The following GRAMD1A variants were observed in gnomAD, a reference collection of about 807,000 sequenced individuals.
GRAMD1A encodes the protein GRAM domain containing 1A.
Under a neutral mutation model 92.0 loss-of-function variants are expected in GRAMD1A, and 50 were observed. That is an observed-to-expected ratio of 0.54 (90% CI 0.43 to 0.69). The LOEUF (loss-of-function observed/expected upper bound fraction) is 0.69, where lower values mean the gene tolerates loss of function less well. GRAMD1A is among the 30% of genes least tolerant of loss of function. The pLI is 0.00. For missense variants in GRAMD1A, 819 were observed against 978.9 expected (o/e 0.84, Z 2.18); for synonymous variants, 405 against 403.6 (o/e 1.00, Z -0.04).
chr19:34,998,060 G>C (rs868153705), upstream of GRAMD1A, among the ~76,000 whole-genome samples: 3 of 122,210 alleles, frequency 2.5e-5, no homozygotes, highest in South Asian at 5.3e-4. Flanking sequence ...GACAGAGCAA[G>C]ACCTTGTCTC....
chr19:34,995,933 G>A (rs1042909465), upstream of GRAMD1A: 1 of 1,130,162 alleles, frequency 8.8e-7, no homozygotes, highest in Non-Finnish European at 1.2e-6. Flanking sequence ...AGCCACGGGG[G>A]AAGGTGGTAA....
rs2016215221 is a variant in GRAMD1A, at chr19:35,023,387, G to T, written c.1962-40G>T. 4 of 1,613,300 alleles carry T rather than the reference G, an allele frequency of 2.5e-6. 1 individual carries two copies. The highest frequency in any genetic ancestry group is 2.2e-5 in the East Asian group (1 of 44,862). ...GAAATGGGGGGGCTTGGGCACATCG[G>T]GGGAGGCCAAGGCCCTGCTCAGGCC... On this transcript the variant is annotated intron_variant, in intron 18 of 19. Transcript: ENST00000317991.
At chr19:34,995,568 C>A (rs937904565), upstream of GRAMD1A, among the ~76,000 whole-genome samples, 1 of 72,364 alleles carries the variant, frequency 1.4e-5, no homozygotes. Flanking sequence ...TCTCAGATCA[C>A]GGGTTTTTTT....
At chr19:35,022,312 C>T (rs1242146640) in intron 16 of GRAMD1A, among the ~76,000 whole-genome samples, 1 of 152,114 alleles carries the variant, frequency 6.6e-6, no homozygotes, top group Admixed American at 6.6e-5. Context: ...GGAGCAGGCA[C>T]ACAAAGATTC....
upstream of GRAMD1A, among the ~76,000 whole-genome samples, chr19:34,995,350 C>A (rs1462263905): frequency 3.9e-5 from 6 of 152,204 alleles, no homozygotes; most frequent in African/African-American, 1.4e-4. Flanking sequence ...CGGTAAACCT[C>A]AGTTCCAGCT....
intron 10 of GRAMD1A, chr19:35,015,616 C>G: frequency 1.9e-6 from 1 of 533,868 alleles, no homozygotes; most frequent in African/African-American, 2.0e-5. Flanking sequence ...CAGAACCAAG[C>G]ACAGTGGCTG....
chr19:35,010,119 T>G lies in GRAMD1A; in HGVS notation c.353T>G (p.Ile118Ser), dbSNP rs2015118283. ...VDYSCALQREILLQGRLYLSE... is the reference protein window; with the variant it reads ...VDYSCALQRESLLQGRLYLSE... ...TACTCCTGCGCCCTGCAGCGTGAGA[T>G]CCTGCTCCAGGGCCGCCTCTACCTC... Residue 118 changes from isoleucine (I) to serine (S), a missense_variant, in exon 5 of 20, where the codon ATC becomes AGC. Transcript: ENST00000317991. 1 of 1,612,582 alleles carries G rather than the reference T, an allele frequency of 6.2e-7. No homozygotes were observed. The highest frequency in any genetic ancestry group is 1.7e-5 in the Admixed American group (1 of 60,008).
At chr19:35,010,729 C>T (rs1168947834) in intron 6 of GRAMD1A, 1 of 529,578 alleles carries the variant, frequency 1.9e-6, no homozygotes, top group Non-Finnish European at 3.3e-6. Flanking sequence ...ATGGCTTTCT[C>T]ACCAGCGGTC....
chr19:35,008,105 G>A (rs568712879), intron 1 of GRAMD1A, among the ~76,000 whole-genome samples: 1 of 152,168 alleles, frequency 6.6e-6, no homozygotes, highest in East Asian at 1.9e-4. Flanking sequence ...GAGGTGGGCA[G>A]ATCACTTGAG....
At chr19:35,003,143 C>CGTGTGTGTGTGTGT (rs60437273) in intron 1 of GRAMD1A, among the ~76,000 whole-genome samples, 1 of 141,076 alleles carries the variant, frequency 7.1e-6, no homozygotes, top group Non-Finnish European at 1.5e-5. Flanking sequence ...TTGCTCTGTG[C>CGTGTGTGTGTGTGT]GTGTGTGTGT....
chr19:35,000,276 A>G, upstream of GRAMD1A: 1 of 1,017,724 alleles, frequency 9.8e-7, no homozygotes, highest in Non-Finnish European at 1.2e-6. This position sits in a 1 kb window ranked among gnomAD's most constrained non-coding sequence, Gnocchi z 4.9. Context: ...GGGCGGGGGA[A>G]GGAAGGGGGT....
intron 1 of GRAMD1A, among the ~76,000 whole-genome samples, chr19:35,003,297 A>T (rs1302039210): frequency 6.6e-6 from 1 of 152,098 alleles, no homozygotes; most frequent in Non-Finnish European, 1.5e-5. Flanking sequence ...CTGTGGATGC[A>T]TCCGCCCTTT....
chr19:34,999,215 C>G (rs1295985467), upstream of GRAMD1A, among the ~76,000 whole-genome samples: 1 of 152,028 alleles, frequency 6.6e-6, no homozygotes, highest in African/African-American at 2.4e-5. Context: ...GTGGAGCCCA[C>G]AGTTTGTGAC....
At position 35,011,571 on chromosome 19, in the gene GRAMD1A, C is replaced by T. The variant is rs775228452; in HGVS notation, c.606+17C>T. On this transcript the variant is annotated intron_variant, in intron 7 of 19. Transcript: ENST00000317991. ...CTTGAAAAGGTGGGCCTGGGTGAGGCCCGGGTGGGGATGGGGGGTTTCCAG... is the reference window on the plus strand; with the variant it reads ...CTTGAAAAGGTGGGCCTGGGTGAGGTCCGGGTGGGGATGGGGGGTTTCCAG... 1.0e-5 allele frequency: 16 copies of T among 1,586,146 alleles called. No homozygotes were observed. Among genetic ancestry groups the T allele is most frequent in the Non-Finnish European group, 1.4e-5 (16 of 1,158,780 alleles).
At position 35,013,689 on chromosome 19, in the gene GRAMD1A, G is replaced by A. The variant is rs1234562427; in HGVS notation, c.868G>A (p.Gly290Arg). 2.5e-6 allele frequency: 4 copies of A among 1,605,944 alleles called. No homozygotes were observed. The highest frequency in any genetic ancestry group is 2.2e-5 in the East Asian group (1 of 44,760). The change falls in exon 9 of 20, where the codon GGG (glycine) becomes AGG (arginine). Residue 290 changes from glycine to arginine, a missense_variant and splice_region_variant. Gly to Arg is a moderately radical substitution (Grantham distance 125). This residue lies in a region of GRAMD1A where 577 missense variants were observed against 674.6 expected (regional missense o/e 0.86). Transcript: ENST00000317991. The surrounding 1 kb of genome is among the most constrained non-coding windows in gnomAD (Gnocchi z 4.9). ...LSRASSDADH[G>R]AEEDKEEQVD... ...CCGAGCCAGCAGCGACGCAGACCAT[G>A]GGGTGAGCGGTGGGTTGGAAGAGGG... is the stretch of plus-strand genomic sequence containing the variant.
chr19:34,996,807 A>C (rs1365196602), upstream of GRAMD1A, among the ~76,000 whole-genome samples: 2 of 151,520 alleles, frequency 1.3e-5, no homozygotes, highest in Non-Finnish European at 1.5e-5. Flanking sequence ...CTGTCTCAAA[A>C]AAAAAAAAAA....
upstream of GRAMD1A, chr19:34,995,925 C>A (rs1292860080): frequency 1.9e-6 from 2 of 1,043,332 alleles, no homozygotes; most frequent in Non-Finnish European, 2.7e-6. Context: ...CTTAGTGGAG[C>A]CACGGGGGAA....
chr19:35,011,687 C>A, intron 7 of GRAMD1A, 133 bp downstream of exon 7: 1 of 658,752 alleles, frequency 1.5e-6, no homozygotes, highest in Non-Finnish European at 2.7e-6. Context: ...GCCCCTGCAG[C>A]TCCTCCCTGG....
intron 16 of GRAMD1A, 106 bp from the exon 17 acceptor site, chr19:35,022,794 G>A (rs571994154): frequency 3.9e-5 from 44 of 1,126,804 alleles, no homozygotes; most frequent in Non-Finnish European, 4.6e-5. Context: ...GTGAGGGGGC[G>A]TGGTGCTCTC....
Sources: gnomAD v4.1 joint callset for allele counts (sites outside exome capture counted in the v4.1 genomes callset) on GRCh38, gnomAD v4.1.1 for gene constraint, gnomAD v4.1.1 regional missense constraint, Gnocchi (gnomAD v3.1) non-coding constraint, MANE v1.5 for transcripts, NCBI Gene and HGNC (gene_info 2026-07-23, HGNC 2026-07-21) for gene names.